LRP1B: variants seen among roughly 807,000 people sequenced by gnomAD.
LRP1B encodes LDL receptor related protein 1B.
A neutral mutation model predicts 556.6 loss-of-function variants in LRP1B; 217 were observed. The ratio of observed to expected loss-of-function variants is 0.39; its 90% confidence interval spans 0.35 to 0.44. The LOEUF is 0.44. Ranked by LOEUF, LRP1B falls within the 20% of genes least tolerant of loss-of-function variation. The pLI is 1.00. For missense variants in LRP1B, 5,053 were observed against 5,620.8 expected, an observed-to-expected ratio of 0.90 and a Z score of 3.23; for synonymous variants, 2,047 against 1,865.8, an observed-to-expected ratio of 1.10 and a Z score of -2.50.
chr2:141,889,384 C>A (rs1033712787), intron 1 of LRP1B, among the ~76,000 whole-genome samples: 1 of 152,118 alleles, frequency 6.6e-6, no homozygotes, highest in African/African-American at 2.4e-5. Context: ...GCAAACTCAT[C>A]ATGTTTCTCC....
rs796260470 is a variant in LRP1B at position 141,382,926 on chromosome 2, G to A, written c.343+97470C>T. Among the ~76,000 whole-genome samples the A allele has an allele frequency of 4.6e-5, 7 of 152,112 alleles. No homozygotes were observed. In the South Asian group the frequency reaches 1.4e-3, roughly 32 times the overall value. ...CCTAGCAAAGGAAAAAGTCAACAGAGTGAAAAGGCAACTTAAAGAATGAGA... is the reference window on the plus strand; with the variant it reads ...CCTAGCAAAGGAAAAAGTCAACAGAATGAAAAGGCAACTTAAAGAATGAGA... On this transcript the variant is annotated intron_variant, in intron 3 of 90. Coordinates refer to ENST00000389484, the MANE Select transcript of LRP1B (RefSeq NM_018557.3).
chr2:140,864,484 A>G lies in LRP1B; in HGVS notation c.4579+3106T>C, dbSNP rs1471706895. 3.3e-5 allele frequency among the ~76,000 whole-genome samples: 5 copies of G among 152,144 alleles called. No individual in the cohort carries two copies. In the East Asian group the frequency reaches 5.8e-4, roughly 18 times the overall value. On this transcript the variant is annotated intron_variant, in intron 27 of 90. Transcript: ENST00000389484. Reference sequence around the variant, plus strand: ...GCAAGTCTTTGCACACATTGAGACTAACAACTGTAAAGTACTAATAAAAAT... The same window carrying G: ...GCAAGTCTTTGCACACATTGAGACTGACAACTGTAAAGTACTAATAAAAAT...
intron 2 of LRP1B, among the ~76,000 whole-genome samples, chr2:141,688,670 T>C (rs1311058939): frequency 6.6e-6 from 1 of 151,900 alleles, no homozygotes; most frequent in Non-Finnish European, 1.5e-5. Flanking sequence ...TTTCAACCCA[T>C]GCAATCTCGT....
intron 2 of LRP1B, among the ~76,000 whole-genome samples, chr2:141,694,713 G>T (rs1691672248): frequency 6.6e-6 from 1 of 150,884 alleles, no homozygotes; most frequent in South Asian, 2.1e-4. Context: ...TCTTTAGAAA[G>T]CACAATGAAC....
intron 1 of LRP1B, among the ~76,000 whole-genome samples, chr2:141,827,664 C>T (rs1214330212): frequency 6.6e-6 from 1 of 151,704 alleles, no homozygotes; most frequent in African/African-American, 2.4e-5. Flanking sequence ...CCATTTGACA[C>T]TTTGAAATTT....
chr2:140,583,343 T>G (rs2105143400), intron 43 of LRP1B, among the ~76,000 whole-genome samples: 1 of 151,874 alleles, frequency 6.6e-6, no homozygotes, highest in South Asian at 2.1e-4. Context: ...TCCAGCTAAC[T>G]TTTTATATTT....
chr2:141,746,312 C>T (rs1693913741), intron 2 of LRP1B, among the ~76,000 whole-genome samples: 1 of 152,144 alleles, frequency 6.6e-6, no homozygotes, highest in Non-Finnish European at 1.5e-5. Context: ...TGCTGGAACT[C>T]ATATTCAGAC....
Position 141,705,687 on chromosome 2 carries a change from T to C in LRP1B, c.205+104592A>G, listed in dbSNP as rs372506193. Among the ~76,000 whole-genome samples the C allele has an allele frequency of 3.9e-5, 6 of 152,152 alleles. No homozygotes were observed. In the East Asian group the frequency reaches 7.7e-4, roughly 20 times the overall value. On this transcript the variant is annotated intron_variant, in intron 2 of 90. Coordinates refer to ENST00000389484, the MANE Select transcript of LRP1B (RefSeq NM_018557.3). Reference sequence around the variant, plus strand: ...CTATTCACGAACTCAGACTTTATTTTCATTTCACAGATGAGCTGCAAAGGC... The same window carrying C: ...CTATTCACGAACTCAGACTTTATTTCCATTTCACAGATGAGCTGCAAAGGC...
chr2:142,110,984 G>C (rs924401182), intron 1 of LRP1B, among the ~76,000 whole-genome samples: 1 of 152,140 alleles, frequency 6.6e-6, no homozygotes, highest in Non-Finnish European at 1.5e-5. Context: ...TTGATAAATA[G>C]AATGCAATGT....
rs1349331434 is a variant in LRP1B at position 140,541,796 on chromosome 2, G to C, written c.7370C>G (p.Ala2457Gly). The C allele has an allele frequency of 6.2e-7, 1 of 1,610,500 alleles. No individual in the cohort carries two copies. Among genetic ancestry groups the C allele is most frequent in the Non-Finnish European group, 8.5e-7 (1 of 1,177,682 alleles). The change falls in exon 44 of 91, where the codon GCC becomes GGC. Residue 2457 changes from alanine to glycine, a missense_variant. Coordinates refer to ENST00000389484, the MANE Select transcript of LRP1B (RefSeq NM_018557.3). ...PHQPMGIIAV[A>G]NDTNSCELSP... ...TAACTTACAGCTATTGGTGTCATTG[G>C]CAACAGCTATGATTCCCATTGGCTG...
chr2:140,839,239 A>C (rs2105093224), intron 31 of LRP1B, among the ~76,000 whole-genome samples: 1 of 152,316 alleles, frequency 6.6e-6, no homozygotes, highest in South Asian at 2.1e-4. Context: ...ACATTGCAAA[A>C]ATTATCATGT....
intron 3 of LRP1B, among the ~76,000 whole-genome samples, chr2:141,400,944 A>AT (rs1031098200): frequency 1.3e-5 from 2 of 152,120 alleles, no homozygotes; most frequent in African/African-American, 4.8e-5. Flanking sequence ...GCATCATTCC[A>AT]TTTTTAATAC....
At chr2:140,886,749 T>C (rs1464468347) in intron 23 of LRP1B, among the ~76,000 whole-genome samples, 3 of 152,072 alleles carry the variant, frequency 2.0e-5, no homozygotes, top group Admixed American at 2.0e-4. Context: ...AACAGATCCA[T>C]AGAGGAGAAC....
chr2:141,110,023 G>A (rs1039483176), intron 7 of LRP1B, among the ~76,000 whole-genome samples: 18 of 151,990 alleles, frequency 1.2e-4, no homozygotes, highest in Admixed American at 1.0e-3. Flanking sequence ...AGAGAGTGGG[G>A]AAAACTACTT....
intron 20 of LRP1B, among the ~76,000 whole-genome samples, chr2:140,940,922 G>C (rs11898780): frequency 0.029 from 4,422 of 152,142 alleles, 72 homozygotes; most frequent in African/African-American, 0.04. Flanking sequence ...CCATAGCCTT[G>C]CTAGCATCTG....
Position 141,555,390 on chromosome 2 carries a change from A to G in LRP1B, c.206-74857T>C, listed in dbSNP as rs920806328. 1.4e-4 allele frequency among the ~76,000 whole-genome samples: 21 copies of G among 151,880 alleles called. No homozygotes were observed. The Admixed American group carries it at 1.4e-3, about 10-fold the overall frequency. ...TAAAACAATTTTTAAAATCTAACCA[A>G]TATTTACTGAGCTCTTACTATGTAC... On this transcript the variant is annotated intron_variant, in intron 2 of 90. Coordinates refer to ENST00000389484, the MANE Select transcript of LRP1B (RefSeq NM_018557.3).
intron 7 of LRP1B, among the ~76,000 whole-genome samples, chr2:141,063,600 T>A (rs1699398838): frequency 6.6e-6 from 1 of 151,884 alleles, no homozygotes; most frequent in Admixed American, 6.6e-5. Context: ...ATCAAATCAC[T>A]GCTTGGTATG....
chr2:140,434,067 T>C (rs982685998), intron 66 of LRP1B, among the ~76,000 whole-genome samples: 14 of 152,112 alleles, frequency 9.2e-5, no homozygotes, highest in African/African-American at 3.1e-4. Flanking sequence ...TTCTTTTATT[T>C]ATTTATTTTT....
At chr2:140,978,193 A>G (rs1037666726) in intron 18 of LRP1B, among the ~76,000 whole-genome samples, 4 of 152,236 alleles carry the variant, frequency 2.6e-5, no homozygotes, top group East Asian at 1.9e-4. Context: ...ATGTGCAATT[A>G]ACTCGTAAAG....
Sources: gnomAD v4.1 joint callset for allele counts (sites outside exome capture counted in the v4.1 genomes callset) on GRCh38, gnomAD v4.1.1 for gene constraint, MANE v1.5 for transcripts, NCBI Gene and HGNC (gene_info 2026-07-23, HGNC 2026-07-21) for gene names.